Variants in FOXP2 observed in about 807,000 individuals in gnomAD.
FOXP2 encodes the protein forkhead box P2, also known as forkhead box protein P2.
In FOXP2, 12 loss-of-function variants were observed where a neutral mutation model predicts 115.8. The ratio of observed to expected loss-of-function variants is 0.10; its 90% CI spans 0.07 to 0.17. FOXP2 has a LOEUF of 0.17. FOXP2 is among the 10% of genes least tolerant of loss of function. FOXP2 has a pLI of 1.00. For missense variants in FOXP2, 629 were observed against 843.5 expected (o/e 0.75, Z 3.15); for synonymous variants, 328 against 297.7 (o/e 1.10, Z -1.05).
chr7:114,472,915 C>G (rs1005350498), intron 2 of FOXP2, among the ~76,000 whole-genome samples: 4 of 152,032 alleles, frequency 2.6e-5, no homozygotes, highest in Non-Finnish European at 5.9e-5. Flanking sequence ...GGGATTCTCT[C>G]AACACTTGGT....
rs769729974 is a variant in FOXP2, at chr7:114,629,998, C to A, written c.590C>A (p.Ala197Glu). Residue 197 changes from alanine to glutamate, a missense_variant, in exon 5 of 17, where the codon GCG becomes GAG. Physicochemically the swap from Ala to Glu is moderately radical, Grantham distance 107. Transcript: ENST00000350908. ...QQQQQHPGKQ[A>E]KEQQQQQQQQ... ...CAGCAACAGCATCCTGGAAAGCAAGCGAAAGAGGTAGGATCCGGTTATCTC... is the reference window on the plus strand; with the variant it reads ...CAGCAACAGCATCCTGGAAAGCAAGAGAAAGAGGTAGGATCCGGTTATCTC... 3 of 1,590,668 alleles carry A rather than the reference C, an allele frequency of 1.9e-6. No individual in the cohort carries two copies. Among genetic ancestry groups the A allele is most frequent in the Non-Finnish European group, 2.6e-6 (3 of 1,173,306 alleles).
At chr7:114,598,229 T>G (rs12673879) in intron 3 of FOXP2, among the ~76,000 whole-genome samples, 4,754 of 152,182 alleles carry the variant, frequency 0.031, 229 homozygotes, top group East Asian at 0.23. Context: ...AACCAATCCA[T>G]CTTGCTTTAT....
chr7:114,566,017 A>G (rs1018133523), intron 3 of FOXP2, among the ~76,000 whole-genome samples: 1 of 152,148 alleles, frequency 6.6e-6, no homozygotes, highest in Non-Finnish European at 1.5e-5. Flanking sequence ...ATGAAGTTGT[A>G]TGAATTTGCA....
chr7:114,655,393 T>C (rs1316590497), intron 10 of FOXP2, among the ~76,000 whole-genome samples: 1 of 152,196 alleles, frequency 6.6e-6, no homozygotes, highest in Non-Finnish European at 1.5e-5. Flanking sequence ...AATAATGTAA[T>C]TGAAGTATTA....
At chr7:114,331,595 C>T (rs1165620442) in intron 2 of FOXP2, among the ~76,000 whole-genome samples, 10 of 151,814 alleles carry the variant, frequency 6.6e-5, no homozygotes, top group Admixed American at 2.6e-4. Context: ...TAATTTTCTC[C>T]GAGGAATAAC....
At chr7:114,418,646 A>T (rs771059709) in intron 1 of FOXP2, among the ~76,000 whole-genome samples, 2 of 151,304 alleles carry the variant, frequency 1.3e-5, no homozygotes, top group African/African-American at 2.4e-5. Context: ...GTTTTAAAGA[A>T]CTTTCTGGTG....
chr7:114,642,260 G>C, intron 6 of FOXP2, 150 bp from the exon 7 acceptor site: 1 of 664,788 alleles, frequency 1.5e-6, no homozygotes, highest in Non-Finnish European at 2.6e-6. Flanking sequence ...CTTTGGTGCT[G>C]ATAGTGTAAA....
chr7:114,620,202 A>T (rs536278380), intron 3 of FOXP2, among the ~76,000 whole-genome samples: 1 of 152,062 alleles, frequency 6.6e-6, no homozygotes, highest in Non-Finnish European at 1.5e-5. Flanking sequence ...ACTACAAAAG[A>T]ACTTGATATA....
intron 1 of FOXP2, among the ~76,000 whole-genome samples, chr7:114,119,582 G>T (rs1297978218): frequency 1.3e-5 from 2 of 152,040 alleles, no homozygotes; most frequent in East Asian, 3.9e-4. Context: ...AAGGTAGTAT[G>T]TACCTGTGGT....
intron 2 of FOXP2, among the ~76,000 whole-genome samples, chr7:114,399,325 C>T (rs535570848): frequency 6.6e-6 from 1 of 152,172 alleles, no homozygotes; most frequent in African/African-American, 2.4e-5. Context: ...CCAGGCTGGT[C>T]TGGAACTCCT....
chr7:114,342,421 CTT>C (rs1791240344), intron 2 of FOXP2, among the ~76,000 whole-genome samples: 1 of 151,322 alleles, frequency 6.6e-6, no homozygotes, highest in African/African-American at 2.4e-5. Context: ...TGAATACAGA[CTT>C]TCCTAATCAT....
At chr7:114,651,298 A>C (rs190497629) in intron 8 of FOXP2, among the ~76,000 whole-genome samples, 2 of 152,204 alleles carry the variant, frequency 1.3e-5, no homozygotes, top group East Asian at 3.9e-4. Context: ...TACTTTGCCC[A>C]TTGGTGAAAT....
intron 3 of FOXP2, among the ~76,000 whole-genome samples, chr7:114,612,460 A>G (rs1803688112): frequency 8.7e-6 from 1 of 115,338 alleles, no homozygotes; most frequent in Admixed American, 7.8e-5. Context: ...GTCCTCCCTA[A>G]GGGAATGAAT....
At chr7:114,480,566 C>T (rs1796481782) in intron 2 of FOXP2, among the ~76,000 whole-genome samples, 1 of 149,576 alleles carries the variant, frequency 6.7e-6, no homozygotes, top group Non-Finnish European at 1.5e-5. Flanking sequence ...TACACATATA[C>T]ATGTAAATAT....
intron 1 of FOXP2, among the ~76,000 whole-genome samples, chr7:114,212,099 TAAAATAAAATAAAA>T (rs1794369242): frequency 2.1e-5 from 2 of 94,494 alleles, no homozygotes; most frequent in African/African-American, 5.5e-5. Context: ...TAAAATAAAA[TAAAATAAAATAAAA>T]TAAAATAAAA....
chr7:114,545,589 G>C (rs557073281), intron 3 of FOXP2, among the ~76,000 whole-genome samples: 21 of 152,244 alleles, frequency 1.4e-4, no homozygotes, highest in Admixed American at 1.1e-3. Context: ...CTTAAGAAAA[G>C]ATGGATTGTA....
chr7:114,614,693 A>T (rs1479011062), intron 3 of FOXP2, among the ~76,000 whole-genome samples: 1 of 152,172 alleles, frequency 6.6e-6, no homozygotes, highest in Admixed American at 6.6e-5. Context: ...AAGAGACTTT[A>T]TAGATTCACA....
At chr7:114,086,443 G>C, upstream of FOXP2, 1 of 341,432 alleles carries the variant, frequency 2.9e-6, no homozygotes, top group East Asian at 1.5e-4. Context: ...TTTATGCGGC[G>C]GCCGCGTCCG....
Position 114,281,215 on chromosome 7 carries a change from C to T in FOXP2, c.-101-6804C>T, listed in dbSNP as rs954221883. Among the ~76,000 whole-genome samples, 23 of 148,388 alleles carry T rather than the reference C, an allele frequency of 1.5e-4. 1 individual carries two copies. Among genetic ancestry groups the T allele is most frequent in the African/African-American group, 4.9e-4 (20 of 40,404 alleles). ...CTCCCGGGTTTAAGCAATGCTCATGCCTCAGCCTCCCAAGTAGCTGGCATT... is the reference window on the plus strand; with the variant it reads ...CTCCCGGGTTTAAGCAATGCTCATGTCTCAGCCTCCCAAGTAGCTGGCATT... On this transcript the variant is annotated intron_variant, in intron 1 of 17. Coordinates refer to the FOXP2 transcript ENST00000634411.
Sources: allele counts gnomAD v4.1 joint callset (sites outside exome capture counted in the v4.1 genomes callset), GRCh38; gene constraint gnomAD v4.1.1; transcripts MANE v1.5; gene names NCBI Gene and HGNC (gene_info 2026-07-23, HGNC 2026-07-21).